The following NKAIN2 variants were observed in gnomAD, a reference collection of about 807,000 sequenced individuals.
NKAIN2 encodes sodium/potassium transporting ATPase interacting 2, also known as sodium/potassium-transporting ATPase subunit beta-1-interacting protein 2.
In NKAIN2, 14 loss-of-function variants were observed where a neutral mutation model predicts 32.6. The ratio of observed to expected loss-of-function variants is 0.43; its 90% CI spans 0.28 to 0.67. The LOEUF (loss-of-function observed/expected upper bound fraction) is 0.67. Among genes scored for constraint, NKAIN2 ranks in the 30% least tolerant of loss-of-function variants. The pLI, the probability that NKAIN2 is intolerant of heterozygous loss-of-function variation, is 0.17. For synonymous variants in NKAIN2, 80 were observed against 87.2 expected (o/e 0.92, Z 0.46); for missense variants, 198 against 258.3 (o/e 0.77, Z 1.60).
At chr6:124,733,710 T>C (rs1369892346) in intron 4 of NKAIN2, among the ~76,000 whole-genome samples, 1 of 151,852 alleles carries the variant, frequency 6.6e-6, no homozygotes, top group Non-Finnish European at 1.5e-5. Context: ...GGGACATTAG[T>C]GTGAGTTCAT....
chr6:124,581,909 T>G (rs1236202177), intron 3 of NKAIN2, among the ~76,000 whole-genome samples: 1 of 152,020 alleles, frequency 6.6e-6, no homozygotes, highest in Admixed American at 6.6e-5. Context: ...TGCCTACATT[T>G]AAAAAGAAAA....
intron 3 of NKAIN2, among the ~76,000 whole-genome samples, chr6:124,620,865 A>G (rs947726199): frequency 2.0e-5 from 3 of 152,250 alleles, no homozygotes; most frequent in African/African-American, 7.2e-5. Flanking sequence ...ACAATTTGCC[A>G]GAGGGAACAA....
chr6:124,426,020 T>C (rs1045880268), intron 3 of NKAIN2, among the ~76,000 whole-genome samples: 8 of 152,200 alleles, frequency 5.3e-5, no homozygotes, highest in African/African-American at 1.9e-4. Flanking sequence ...TCAATGTTCA[T>C]GTAACCTAGA....
chr6:124,766,274 G>A (rs1018558896), intron 4 of NKAIN2, among the ~76,000 whole-genome samples: 3 of 152,156 alleles, frequency 2.0e-5, no homozygotes, highest in Non-Finnish European at 4.4e-5. Context: ...GGACTTTTGA[G>A]ACTGTCGAGA....
At chr6:124,626,330 G>A (rs1245496191) in intron 3 of NKAIN2, among the ~76,000 whole-genome samples, 1 of 151,902 alleles carries the variant, frequency 6.6e-6, no homozygotes, top group Admixed American at 6.6e-5. Context: ...GTTGGGATCA[G>A]CTTTGAGTTG....
intron 1 of NKAIN2, among the ~76,000 whole-genome samples, chr6:123,839,328 A>C (rs907712380): frequency 3.3e-5 from 5 of 152,242 alleles, no homozygotes; most frequent in African/African-American, 1.2e-4. Context: ...AATACTGTAA[A>C]GTTATTTAAA....
chr6:124,006,689 T>C (rs113546124), intron 1 of NKAIN2, among the ~76,000 whole-genome samples: 212 of 152,252 alleles, frequency 1.4e-3, no homozygotes, highest in African/African-American at 4.9e-3. Context: ...AGTTCTGGGG[T>C]TGCCTCTGAT....
chr6:123,893,056 T>A (rs1025385213), intron 1 of NKAIN2, among the ~76,000 whole-genome samples: 2 of 152,074 alleles, frequency 1.3e-5, no homozygotes, highest in Non-Finnish European at 2.9e-5. Context: ...TGTTTTCAAA[T>A]AATTGTTATA....
chr6:124,679,055 T>C (rs756606410), intron 4 of NKAIN2, among the ~76,000 whole-genome samples: 1 of 152,148 alleles, frequency 6.6e-6, no homozygotes, highest in Non-Finnish European at 1.5e-5. Context: ...CTAGCTGTTT[T>C]ATTCTCTGTG....
intron 3 of NKAIN2, among the ~76,000 whole-genome samples, chr6:124,431,437 T>C (rs1381914767): frequency 1.3e-5 from 2 of 152,194 alleles, no homozygotes; most frequent in East Asian, 1.9e-4. Context: ...ATTACCACCA[T>C]TGATACCATT....
chr6:124,493,954 A>G (rs1397291077), intron 3 of NKAIN2, among the ~76,000 whole-genome samples: 1 of 151,758 alleles, frequency 6.6e-6, no homozygotes, highest in Non-Finnish European at 1.5e-5. Context: ...CATTTCTATA[A>G]TTTTTCTCAT....
At chr6:124,392,466 A>G (rs903814828) in intron 3 of NKAIN2, among the ~76,000 whole-genome samples, 2 of 152,164 alleles carry the variant, frequency 1.3e-5, no homozygotes, top group Non-Finnish European at 2.9e-5. Context: ...TAAGCAAAGC[A>G]GAGATTAATT....
At chr6:124,780,738 C>T (rs185908844) in intron 4 of NKAIN2, among the ~76,000 whole-genome samples, 3 of 152,328 alleles carry the variant, frequency 2.0e-5, no homozygotes, top group Admixed American at 1.3e-4. Context: ...TGATATGAGA[C>T]TTGCCTTGCT....
At chr6:124,788,329 C>T (rs1426572507) in intron 4 of NKAIN2, among the ~76,000 whole-genome samples, 1 of 152,056 alleles carries the variant, frequency 6.6e-6, no homozygotes, top group African/African-American at 2.4e-5. Flanking sequence ...CCCAAAATGT[C>T]AGTGGTGACT....
At chr6:124,018,377 A>G (rs532387559) in intron 1 of NKAIN2, among the ~76,000 whole-genome samples, 1 of 152,182 alleles carries the variant, frequency 6.6e-6, no homozygotes, top group Admixed American at 6.5e-5. Context: ...GGTGATTAAC[A>G]TTTGACTTCT....
At chr6:123,985,745 A>G (rs1779107603) in intron 1 of NKAIN2, among the ~76,000 whole-genome samples, 1 of 152,186 alleles carries the variant, frequency 6.6e-6, no homozygotes, top group African/African-American at 2.4e-5. Flanking sequence ...TGAGGGTGCA[A>G]GAGTTGCATA....
chr6:124,061,178 A>G (rs775676186), intron 1 of NKAIN2, among the ~76,000 whole-genome samples: 1 of 152,144 alleles, frequency 6.6e-6, no homozygotes, highest in African/African-American at 2.4e-5. Context: ...TGGATATTGT[A>G]AAAGCAAGTC....
chr6:123,907,318 A>G (rs964628896), intron 1 of NKAIN2, among the ~76,000 whole-genome samples: 2 of 152,180 alleles, frequency 1.3e-5, no homozygotes, highest in Non-Finnish European at 2.9e-5. Context: ...ATAAAAATAT[A>G]AAATGTCTCA....
intron 1 of NKAIN2, among the ~76,000 whole-genome samples, chr6:124,275,282 T>C (rs1310832375): frequency 6.6e-6 from 1 of 152,118 alleles, no homozygotes; most frequent in African/African-American, 2.4e-5. Context: ...CTATGGGGGC[T>C]TTTACATAAA....
Sources: gnomAD v4.1 joint callset for allele counts (sites outside exome capture counted in the v4.1 genomes callset) on GRCh38, gnomAD v4.1.1 for gene constraint, MANE v1.5 for transcripts, NCBI Gene and HGNC (gene_info 2026-07-23, HGNC 2026-07-21) for gene names.